Variants in COL7A1 observed in about 807,000 individuals in gnomAD.
COL7A1 encodes collagen type VII alpha 1 chain, also known as collagen alpha-1(VII) chain.
In COL7A1, 296 loss-of-function variants were observed where a neutral mutation model predicts 456.2. The observed-to-expected ratio is 0.65, with a 90% CI of 0.59 to 0.71. COL7A1 has a LOEUF of 0.71. Among genes scored for constraint, COL7A1 ranks in the 30% least tolerant of loss-of-function variants. The pLI, the probability that COL7A1 is intolerant of heterozygous loss-of-function variation, is 0.00. For synonymous variants in COL7A1, 1,464 were observed against 1,525.9 expected (o/e 0.96, Z 0.95); for missense variants, 3,441 against 4,017.2 (o/e 0.86, Z 3.88).
In COL7A1 at chr3:48,590,958, T is replaced by C; in HGVS notation, c.1637-142A>G. ...TGGTGGGGACCAGAGAGCTGGGATA[T>C]GGCTGAAAAAAGTGAGTGCAAGACA... is the stretch of plus-strand genomic sequence containing the variant. On this transcript the variant is annotated intron_variant, in intron 13 of 118. Coordinates refer to ENST00000681320, the MANE Select transcript of COL7A1 (RefSeq NM_000094.4). The surrounding 1 kb of genome is among the most constrained non-coding windows in gnomAD (Gnocchi z 4.6). 3.2e-6 allele frequency: 3 copies of C among 950,056 alleles called. No individual in the cohort carries two copies. The highest frequency in any genetic ancestry group is 4.9e-6 in the Non-Finnish European group (3 of 614,514). 58.9% of individuals were successfully genotyped at this position (950,056 alleles called of 1,614,324 possible). A position where few individuals can be genotyped will look rare whatever the true frequency, so the allele number is the denominator to read the frequency against.
chr3:48,574,112 G>T lies in COL7A1; in HGVS notation c.6501+150C>A. On this transcript the variant is annotated intron_variant, in intron 80 of 118. Transcript: ENST00000681320. The surrounding 1 kb of genome is among the most constrained non-coding windows in gnomAD (Gnocchi z 5.0). ...ACACAGGCACACACAGGCACACACA[G>T]ACACAGGCACACACAAGCAGGCACA... The T allele has an allele frequency of 8.7e-7, 1 of 1,147,596 alleles. No homozygotes were observed. Among genetic ancestry groups the T allele is most frequent in the Non-Finnish European group, 1.3e-6 (1 of 777,828 alleles). 71.1% of individuals were successfully genotyped at this position (1,147,596 alleles called of 1,614,324 possible).
chr3:48,564,767 G>A lies in COL7A1; in HGVS notation c.8818+16C>T, dbSNP rs1242138914. On this transcript the variant is annotated intron_variant, in intron 118 of 118. Transcript: ENST00000681320. The surrounding 1 kb of genome is among the most constrained non-coding windows in gnomAD (Gnocchi z 6.0). ...GCTCAGTGCCCAGTTCCCCACGGTGGGGGCTCAGCCCATACCTGTCCCCTG... is the reference window on the plus strand; with the variant it reads ...GCTCAGTGCCCAGTTCCCCACGGTGAGGGCTCAGCCCATACCTGTCCCCTG... The A allele has an allele frequency of 6.2e-7, 1 of 1,610,676 alleles. No homozygotes were observed. Among genetic ancestry groups the A allele is most frequent in the Non-Finnish European group, 8.5e-7 (1 of 1,177,998 alleles).
chr3:48,566,965 G>A lies in COL7A1; in HGVS notation c.8168C>T (p.Pro2723Leu). ...GPSGNDGSAG[P>L]PGPPGSVGPR... ...ACCAACACTGCCAGGTGGCCCTGGG[G>A]GACCAGCAGAGCCATCATTTCCACT... is the stretch of plus-strand genomic sequence containing the variant. Residue 2723 changes from proline (P) to leucine (L), a missense_variant, in exon 111 of 119, where the codon CCC (proline) becomes CTC (leucine). Pro to Leu is a moderately conservative substitution (Grantham distance 98). Transcript: ENST00000681320. This position sits in a 1 kb window ranked among gnomAD's most constrained non-coding sequence, Gnocchi z 5.9. The A allele has an allele frequency of 6.2e-7, 1 of 1,611,700 alleles. No homozygotes were observed. The highest frequency in any genetic ancestry group is 8.5e-7 in the Non-Finnish European group (1 of 1,178,276).
At position 48,573,118 on chromosome 3, in the gene COL7A1, G is replaced by A; in HGVS notation, c.6714+56C>T. 1.2e-6 allele frequency: 2 copies of A among 1,614,056 alleles called. No homozygotes were observed. The highest frequency in any genetic ancestry group is 1.7e-6 in the Non-Finnish European group (2 of 1,179,962). ...GACACAGGACGACATGAGAGAACAT[G>A]GGCCCCAAGGAGTGAAAACACGGTG... On this transcript the variant is annotated intron_variant, in intron 85 of 118. Coordinates refer to ENST00000681320, the MANE Select transcript of COL7A1 (RefSeq NM_000094.4). The surrounding 1 kb of genome is among the most constrained non-coding windows in gnomAD (Gnocchi z 5.5).
rs550833148 is a variant in COL7A1 at position 48,567,362 on chromosome 3, C to A, written c.8047-172G>T. 10 of 959,944 alleles carry A rather than the reference C, an allele frequency of 1.0e-5. No individual in the cohort carries two copies. The African/African-American group carries it at 1.3e-4, about 12-fold the overall frequency. The allele number at this position is 959,944 out of a possible 1,614,324, so 59.5% of individuals were successfully genotyped here. A position where few individuals can be genotyped will look rare whatever the true frequency, so the allele number is the denominator to read the frequency against. On this transcript the variant is annotated intron_variant, in intron 109 of 118. Transcript: ENST00000681320. This position sits in a 1 kb window ranked among gnomAD's most constrained non-coding sequence, Gnocchi z 4.3. ...CTCCAACTCCACTATAGCCCCCTGC[C>A]CTGATGCACATGCCCCCTCCACCTC...
Position 48,572,356 on chromosome 3 carries a change from T to A in COL7A1, c.6978+24A>T, listed in dbSNP as rs776926744. On this transcript the variant is annotated intron_variant, in intron 90 of 118. Coordinates refer to ENST00000681320, the MANE Select transcript of COL7A1 (RefSeq NM_000094.4). The surrounding 1 kb of genome is among the most constrained non-coding windows in gnomAD (Gnocchi z 4.6). ...GGAGAGACAGGACCCCCAGAACATCTGCTGTCAGAAGTTCCCTACTTACCG... is the reference window on the plus strand; with the variant it reads ...GGAGAGACAGGACCCCCAGAACATCAGCTGTCAGAAGTTCCCTACTTACCG... 5 of 1,613,992 alleles carry A rather than the reference T, an allele frequency of 3.1e-6. No individual in the cohort carries two copies. The African/African-American group carries it at 6.7e-5, about 22-fold the overall frequency.
chr3:48,571,941 C>A lies in COL7A1; in HGVS notation c.7068+60G>T. 1 of 1,596,668 alleles carries A rather than the reference C, an allele frequency of 6.3e-7. No homozygotes were observed. Among genetic ancestry groups the A allele is most frequent in the South Asian group, 1.1e-5 (1 of 88,934 alleles). On this transcript the variant is annotated intron_variant, in intron 92 of 118. Transcript: ENST00000681320. The surrounding 1 kb of genome is among the most constrained non-coding windows in gnomAD (Gnocchi z 4.6). ...ATGTGCCCCGGCCCAAGAGTGGCCC[C>A]TTATGCCCGCCATCACACTCCTCAG...
rs1274939627 is a variant in COL7A1 at position 48,594,029 on chromosome 3, C to T, written c.267-333G>A. 6.6e-6 allele frequency among the ~76,000 whole-genome samples: 1 copy of T among 152,226 alleles called. No individual in the cohort carries two copies. Among genetic ancestry groups the T allele is most frequent in the East Asian group, 1.9e-4 (1 of 5,192 alleles). The stretch of plus-strand genomic sequence containing the variant: ...TGGATGCTGGCCAGATGGAGCACCT[C>T]TGGTGAACGGCTGCAAGGGTTAGAG... On this transcript the variant is annotated intron_variant, in intron 3 of 118. Transcript: ENST00000681320. This position sits in a 1 kb window ranked among gnomAD's most constrained non-coding sequence, Gnocchi z 5.5.
chr3:48,582,098 T>C (rs1442459115), intron 47 of COL7A1, among the ~76,000 whole-genome samples, 155 bp from the exon 48 acceptor site: 1 of 152,116 alleles, frequency 6.6e-6, no homozygotes, highest in Non-Finnish European at 1.5e-5. Flanking sequence ...GAAGGGGTTA[T>C]ACAAAATGGA....
Position 48,565,217 on chromosome 3 carries a change from G to A in COL7A1, c.8528-16C>T. On this transcript the variant is annotated splice_polypyrimidine_tract_variant and intron_variant, in intron 116 of 118. Transcript: ENST00000681320. This position sits in a 1 kb window ranked among gnomAD's most constrained non-coding sequence, Gnocchi z 4.5. Reference sequence around the variant, plus strand: ...GGTACCCGCTCTGCAGGTAGGGCAGGGTGTGCTGGGAGCAGTGGCTGCTGG... The same window carrying A: ...GGTACCCGCTCTGCAGGTAGGGCAGAGTGTGCTGGGAGCAGTGGCTGCTGG... 6.2e-7 allele frequency: 1 copy of A among 1,610,166 alleles called. No individual in the cohort carries two copies. Among genetic ancestry groups the A allele is most frequent in the Non-Finnish European group, 8.5e-7 (1 of 1,177,502 alleles).
chr3:48,584,624 A>C lies in COL7A1; in HGVS notation c.4048-68T>G, dbSNP rs1440866404. On this transcript the variant is annotated intron_variant, in intron 35 of 118. Transcript: ENST00000681320. Reference sequence around the variant, plus strand: ...GCCTTGAGCTGGAAGAAGCCCCTAGACATGTCCAGCTATTCCTATTCGCGC... The same window carrying C: ...GCCTTGAGCTGGAAGAAGCCCCTAGCCATGTCCAGCTATTCCTATTCGCGC... 5 of 1,611,400 alleles carry C rather than the reference A, an allele frequency of 3.1e-6. No individual in the cohort carries two copies. In the African/African-American group the frequency reaches 6.7e-5, roughly 22 times the overall value.
Position 48,586,026 on chromosome 3 carries a change from A to C in COL7A1, c.3723+48T>G. 1 of 1,613,582 alleles carries C rather than the reference A, an allele frequency of 6.2e-7. No individual in the cohort carries two copies. Among genetic ancestry groups the C allele is most frequent in the Non-Finnish European group, 8.5e-7 (1 of 1,180,008 alleles). ...TTGAACATTTCTACCAAGAACCCCCAGACCCCTTATATTCTACCACCCAGT... is the reference window on the plus strand; with the variant it reads ...TTGAACATTTCTACCAAGAACCCCCCGACCCCTTATATTCTACCACCCAGT... On this transcript the variant is annotated intron_variant, in intron 28 of 118. Transcript: ENST00000681320. This position sits in a 1 kb window ranked among gnomAD's most constrained non-coding sequence, Gnocchi z 5.1.
rs1050973684 is a variant in COL7A1, at chr3:48,588,006, C to G, written c.2711-67G>C. The G allele has an allele frequency of 3.3e-6, 5 of 1,513,788 alleles. No homozygotes were observed. Among genetic ancestry groups the G allele is most frequent in the Non-Finnish European group, 4.5e-6 (5 of 1,118,812 alleles). 93.8% of individuals were successfully genotyped at this position (1,513,788 alleles called of 1,614,324 possible). On this transcript the variant is annotated intron_variant, in intron 21 of 118. Coordinates refer to ENST00000681320, the MANE Select transcript of COL7A1 (RefSeq NM_000094.4). This position sits in a 1 kb window ranked among gnomAD's most constrained non-coding sequence, Gnocchi z 4.6. ...AGTGACACCTGGGGGCATTAAAGGGCCTGCCCACTTCACTGGCTCTGTTAA... is the reference window on the plus strand; with the variant it reads ...AGTGACACCTGGGGGCATTAAAGGGGCTGCCCACTTCACTGGCTCTGTTAA...
At chr3:48,582,396 G>A in intron 46 of COL7A1, 38 bp from the exon 47 acceptor site, 1 of 1,614,050 alleles carries the variant, frequency 6.2e-7, no homozygotes, top group Non-Finnish European at 8.5e-7. Context: ...AGGTCAGGGA[G>A]TCACCTAGGA....
intron 47 of COL7A1, 44 bp downstream of exon 47, chr3:48,582,279 C>T: frequency 6.2e-7 from 1 of 1,613,802 alleles, no homozygotes; most frequent in Non-Finnish European, 8.5e-7. Context: ...GGTCACTGCT[C>T]AAGGGCTGTG....
At position 48,591,858 on chromosome 3, in the gene COL7A1, GCCCTGACCCTTGCCTGTCCAT is replaced by G. The variant is rs2045726544; in HGVS notation, c.1357+19_1358-37del. 1 of 1,614,082 alleles carries G rather than the reference GCCCTGACCCTTGCCTGTCCAT, an allele frequency of 6.2e-7. No homozygotes were observed. Among genetic ancestry groups the G allele is most frequent in the Non-Finnish European group, 8.5e-7 (1 of 1,180,044 alleles). ...ACAGGGTCAGACCAGCAGAGGCCAT[GCCCTGACCCTTGCCTGTCCAT>G]CCCTTCCCCCGCACTGACCAGTCTC... On this transcript the variant is annotated intron_variant, in intron 11 of 118. Coordinates refer to ENST00000681320, the MANE Select transcript of COL7A1 (RefSeq NM_000094.4). This position sits in a 1 kb window ranked among gnomAD's most constrained non-coding sequence, Gnocchi z 7.0.
intron 18 of COL7A1, among the ~76,000 whole-genome samples, 160 bp downstream of exon 18, chr3:48,589,167 A>G (rs927259137): frequency 2.6e-5 from 4 of 152,148 alleles, no homozygotes; most frequent in Non-Finnish European, 5.9e-5. Flanking sequence ...TGGGGCCACC[A>G]GGAGGTCACC....
In COL7A1 at chr3:48,592,253, A is replaced by C; in HGVS notation, c.1094-5T>G. ...CCTGCTGCTGTGTGGGCCCACCTGC[A>C]TGGGGGACACCAAGGGGCCAGTGGG... is the stretch of plus-strand genomic sequence containing the variant. On this transcript the variant is annotated splice_region_variant and splice_polypyrimidine_tract_variant and intron_variant, in intron 9 of 118. Coordinates refer to ENST00000681320, the MANE Select transcript of COL7A1 (RefSeq NM_000094.4). The surrounding 1 kb of genome is among the most constrained non-coding windows in gnomAD (Gnocchi z 7.6). The C allele has an allele frequency of 6.2e-7, 1 of 1,613,692 alleles. No individual in the cohort carries two copies. The highest frequency in any genetic ancestry group is 8.5e-7 in the Non-Finnish European group (1 of 1,179,952).
rs767147875 is a variant in COL7A1 at position 48,592,318 on chromosome 3, G to T, written c.1093+33C>A. On this transcript the variant is annotated intron_variant, in intron 9 of 118. Transcript: ENST00000681320. This position sits in a 1 kb window ranked among gnomAD's most constrained non-coding sequence, Gnocchi z 7.6. ...GACTCTACAGCCTTGTCTGAGGCGC[G>T]GGGACTCCCCTCAGCCCACATCTCT... 4 of 1,613,440 alleles carry T rather than the reference G, an allele frequency of 2.5e-6. No individual in the cohort carries two copies. The South Asian group carries it at 3.3e-5, about 13-fold the overall frequency.
Sources: gnomAD v4.1 joint callset for allele counts (sites outside exome capture counted in the v4.1 genomes callset) on GRCh38, gnomAD v4.1.1 for gene constraint, Gnocchi (gnomAD v3.1) non-coding constraint, MANE v1.5 for transcripts, NCBI Gene and HGNC (gene_info 2026-07-23, HGNC 2026-07-21) for gene names.